Variants in PRKAG2 observed in about 807,000 individuals in gnomAD.
PRKAG2 encodes the protein 5'-AMP-activated protein kinase subunit gamma-2.
A neutral mutation model predicts 69.6 loss-of-function variants in PRKAG2; 26 were observed. The ratio of observed to expected loss-of-function variants is 0.37; its 90% CI spans 0.27 to 0.52. The LOEUF (loss-of-function observed/expected upper bound fraction) is 0.52. Among genes scored for constraint, PRKAG2 ranks in the 20% least tolerant of loss-of-function variants. The probability of loss-of-function intolerance (pLI) is 0.90; values close to 1 mark genes in which losing one functional copy is unlikely to be tolerated. For synonymous variants in PRKAG2, 293 were observed against 285.0 expected (o/e 1.03, Z -0.28); for missense variants, 557 against 740.0 (o/e 0.75, Z 2.87).
chr7:151,586,164 T>C, intron 6 of PRKAG2, among the ~76,000 whole-genome samples: 1 of 152,186 alleles, frequency 6.6e-6, no homozygotes, highest in African/African-American at 2.4e-5. Context: ...TGACTGAGAT[T>C]TAAATATTAA....
At chr7:151,803,010 C>A (rs998018276) in intron 1 of PRKAG2, among the ~76,000 whole-genome samples, 2 of 151,014 alleles carry the variant, frequency 1.3e-5, no homozygotes, top group African/African-American at 4.9e-5. Flanking sequence ...CAGGCTGGAG[C>A]GCAGTGGTGT....
chr7:151,610,366 T>G (rs771309576), intron 5 of PRKAG2, among the ~76,000 whole-genome samples: 4 of 121,278 alleles, frequency 3.3e-5, no homozygotes, highest in Non-Finnish European at 7.1e-5. Flanking sequence ...GAGTCTTCAT[T>G]TCAAAACAAA....
intron 1 of PRKAG2, among the ~76,000 whole-genome samples, chr7:151,843,101 T>C (rs1218605564): frequency 6.6e-6 from 1 of 151,942 alleles, no homozygotes; most frequent in African/African-American, 2.4e-5. Flanking sequence ...TGTCTATATA[T>C]CTATGTGCAC....
chr7:151,716,817 A>G (rs202134154), intron 3 of PRKAG2, among the ~76,000 whole-genome samples: 66 of 152,350 alleles, frequency 4.3e-4, no homozygotes, highest in African/African-American at 1.6e-3. Context: ...CAGCTGCTCC[A>G]GCCCCCAAGC....
intron 3 of PRKAG2, among the ~76,000 whole-genome samples, chr7:151,735,358 G>A (rs995807071): frequency 1.3e-5 from 2 of 152,088 alleles, no homozygotes. Context: ...CCATCCTCCT[G>A]TACATGGAGG....
chr7:151,852,168 T>C (rs2079584827), intron 1 of PRKAG2, among the ~76,000 whole-genome samples: 1 of 152,062 alleles, frequency 6.6e-6, no homozygotes, highest in Non-Finnish European at 1.5e-5. Context: ...GAGGCACTGG[T>C]CGGGGGTCCC....
At chr7:151,610,987 G>A (rs551806548) in intron 5 of PRKAG2, among the ~76,000 whole-genome samples, 163 of 152,100 alleles carry the variant, frequency 1.1e-3, no homozygotes, top group Non-Finnish European at 1.9e-3. Flanking sequence ...ACCTCTGACC[G>A]CAGGTGATCC....
chr7:151,749,034 G>A (rs900603258), intron 3 of PRKAG2, among the ~76,000 whole-genome samples: 21 of 152,334 alleles, frequency 1.4e-4, no homozygotes, highest in Admixed American at 6.5e-4. Context: ...AGAGGCTGAC[G>A]GTTTTCCTCA....
intron 3 of PRKAG2, among the ~76,000 whole-genome samples, chr7:151,760,434 A>G (rs368826795): frequency 6.6e-6 from 1 of 152,108 alleles, no homozygotes; most frequent in Admixed American, 6.5e-5. Context: ...GGGCTTCACC[A>G]TGTTGGCCAG....
At chr7:151,832,786 C>T (rs1002051843) in intron 1 of PRKAG2, among the ~76,000 whole-genome samples, 1 of 152,136 alleles carries the variant, frequency 6.6e-6, no homozygotes, top group South Asian at 2.1e-4. Flanking sequence ...CCTTCCCTCC[C>T]TCTTCTCTAG....
intron 6 of PRKAG2, among the ~76,000 whole-genome samples, chr7:151,593,139 A>G (rs1307929175): frequency 6.6e-6 from 1 of 152,236 alleles, no homozygotes; most frequent in Non-Finnish European, 1.5e-5. Context: ...AATGAGTAAT[A>G]CATGGAAAGC....
rs1824835379 is a variant in PRKAG2, at chr7:151,632,370, C to T, written c.685-232G>A. 2.0e-6 allele frequency: 1 copy of T among 492,474 alleles called. No homozygotes were observed. Among genetic ancestry groups the T allele is most frequent in the South Asian group, 8.6e-5 (1 of 11,598 alleles). The allele number at this position is 492,474 out of a possible 1,614,324, so 30.5% of individuals were successfully genotyped here. On this transcript the variant is annotated intron_variant, in intron 4 of 15. Transcript: ENST00000287878. The surrounding 1 kb of genome is among the most constrained non-coding windows in gnomAD (Gnocchi z 4.2). ...CGCGGCCGCGGCCCGCGTGCCCCTC[C>T]GCGAGTGGGACGCGCCGCTCCCCCC...
chr7:151,812,413 G>A (rs182255379), intron 1 of PRKAG2, among the ~76,000 whole-genome samples: 1 of 152,298 alleles, frequency 6.6e-6, no homozygotes, highest in East Asian at 1.9e-4. Flanking sequence ...CGCTGTGAAG[G>A]AGTTGGATAA....
chr7:151,675,441 T>G lies in PRKAG2; in HGVS notation c.663A>C (p.Thr221=). The part of the protein sequence containing the change: ...SPTRPPLASP[T]HYAPSKAAAL... ...TTACGGCTTTGGAGGGAGCATAGTG[T>G]GTCGGTGATGCCAGTGGAGGCCTGG... The change falls in exon 4 of 16, where the codon ACA becomes ACC. Residue 221 remains threonine, a synonymous_variant. Coordinates refer to ENST00000287878, the MANE Select transcript of PRKAG2 (RefSeq NM_016203.4). 1 of 1,614,022 alleles carries G rather than the reference T, an allele frequency of 6.2e-7. No individual in the cohort carries two copies. Among genetic ancestry groups the G allele is most frequent in the Non-Finnish European group, 8.5e-7 (1 of 1,179,968 alleles).
intron 1 of PRKAG2, among the ~76,000 whole-genome samples, chr7:151,791,195 C>G (rs1005021524): frequency 9.2e-5 from 14 of 152,222 alleles, no homozygotes; most frequent in African/African-American, 3.1e-4. Flanking sequence ...AATCTTGGCT[C>G]TCATCTCCAG....
intron 1 of PRKAG2, among the ~76,000 whole-genome samples, chr7:151,841,972 GGTAGTGATGGTAC>G (rs1182323163): frequency 2.7e-5 from 4 of 148,946 alleles, no homozygotes; most frequent in South Asian, 2.2e-4. Context: ...AGGTAGGGAT[GGTAGTGATGGTAC>G]GTAGTGATGG....
intron 1 of PRKAG2, among the ~76,000 whole-genome samples, chr7:151,862,523 C>T (rs2079957061): frequency 6.6e-6 from 1 of 152,190 alleles, no homozygotes; most frequent in Non-Finnish European, 1.5e-5. Flanking sequence ...AGTTAAGCTT[C>T]TGCATGTCCT....
chr7:151,565,232 C>A (rs1057119396), intron 13 of PRKAG2, 114 bp downstream of exon 13: 4 of 901,108 alleles, frequency 4.4e-6, no homozygotes. Context: ...ATCCTCACAC[C>A]CCAAAAGGTT....
At chr7:151,770,755 C>A (rs2075982580) in intron 3 of PRKAG2, among the ~76,000 whole-genome samples, 1 of 152,198 alleles carries the variant, frequency 6.6e-6, no homozygotes, top group East Asian at 1.9e-4. Context: ...AGTCTCAGAG[C>A]AGCCCTGTCT....
Sources: allele counts gnomAD v4.1 joint callset (sites outside exome capture counted in the v4.1 genomes callset), GRCh38; gene constraint gnomAD v4.1.1; non-coding constraint Gnocchi (gnomAD v3.1); transcripts MANE v1.5; gene names NCBI Gene and HGNC (gene_info 2026-07-23, HGNC 2026-07-21).